SPAG9: variants seen among roughly 807,000 people sequenced by gnomAD.
SPAG9 encodes the protein C-Jun-amino-terminal kinase-interacting protein 4.
A neutral mutation model predicts 166.5 loss-of-function variants in SPAG9; 35 were observed. The observed-to-expected ratio is 0.21, with a 90% CI of 0.16 to 0.28. The LOEUF is 0.28. Ranked by LOEUF, SPAG9 falls within the 10% of genes least tolerant of loss-of-function variation. The pLI is 1.00. For synonymous variants in SPAG9, 534 were observed against 565.5 expected (o/e 0.94, Z 0.79); for missense variants, 1,235 against 1,603.3 (o/e 0.77, Z 3.92).
chr17:51,025,506 G>A (rs1430604840), intron 6 of SPAG9, among the ~76,000 whole-genome samples: 1 of 151,016 alleles, frequency 6.6e-6, no homozygotes, highest in Admixed American at 6.6e-5. Context: ...AACACCTCTG[G>A]AGCCAAAGAG....
intron 19 of SPAG9, among the ~76,000 whole-genome samples, chr17:50,992,103 G>C (rs1247663801): frequency 6.6e-6 from 1 of 151,466 alleles, no homozygotes; most frequent in East Asian, 1.9e-4. Flanking sequence ...GCCCAGACTG[G>C]TCTCAAACTT....
In SPAG9 at chr17:51,120,785, G is replaced by T; in HGVS notation, c.-129C>A. ...GGAGCCCGGGCCGGGGCTGGGGCTG[G>T]GCCCGGCGGGGTGGGGGCCGGGGCC... On this transcript the variant is annotated 5_prime_UTR_variant, in exon 1 of 30. Transcript: ENST00000262013. This position sits in a 1 kb window ranked among gnomAD's most constrained non-coding sequence, Gnocchi z 4.7. 1 of 696,326 alleles carries T rather than the reference G, an allele frequency of 1.4e-6. No homozygotes were observed. The highest frequency in any genetic ancestry group is 2.1e-6 in the Non-Finnish European group (1 of 474,860). 43.1% of individuals were successfully genotyped at this position (696,326 alleles called of 1,614,324 possible).
At chr17:51,072,578 G>T (rs1598127265) in intron 2 of SPAG9, among the ~76,000 whole-genome samples, 1 of 151,932 alleles carries the variant, frequency 6.6e-6, no homozygotes, top group South Asian at 2.1e-4. Flanking sequence ...AGCTACTCAA[G>T]AGGCTGAGGC....
rs1973210187 is a variant in SPAG9 at position 50,963,417 on chromosome 17, T to C, written c.*2855A>G. On this transcript the variant is annotated 3_prime_UTR_variant, in exon 30 of 30. Coordinates refer to ENST00000262013, the MANE Select transcript of SPAG9 (RefSeq NM_001130528.3). ...GGGAAAGGGGAAGTGAAGCAATCTGTAGAAAATATTTAACTGAAATTACAA... is the reference window on the plus strand; with the variant it reads ...GGGAAAGGGGAAGTGAAGCAATCTGCAGAAAATATTTAACTGAAATTACAA... 6.6e-6 allele frequency: 1 copy of C among 152,182 alleles called. No homozygotes were observed. The allele number at this position is 152,182 out of a possible 1,614,324, so 9.4% of individuals were successfully genotyped here. A position where few individuals can be genotyped will look rare whatever the true frequency, so the allele number is the denominator to read the frequency against.
At chr17:51,046,527 A>C in intron 4 of SPAG9, 1 of 1,536,234 alleles carries the variant, frequency 6.5e-7, no homozygotes, top group Non-Finnish European at 8.7e-7. Flanking sequence ...GTTCTGCGTC[A>C]GAGCTGGCAC....
rs780868556 is a variant in SPAG9, at chr17:50,990,462, C to T, written c.2605G>A (p.Asp869Asn). The change falls in exon 20 of 30, where the codon GAT becomes AAT. Residue 869 changes from aspartate (D) to asparagine (N), a missense_variant. Asp to Asn is a conservative substitution (Grantham distance 23, BLOSUM62 1). Transcript: ENST00000262013. ...PSTNGASPVM[D>N]KPPEMEAENS... The stretch of plus-strand genomic sequence containing the variant: ...AGAATGGATATACCTGGTGGTTTAT[C>T]CATCACTGGAGAAGCACCATTTGTA... 3.1e-6 allele frequency: 5 copies of T among 1,613,502 alleles called. No homozygotes were observed. The highest frequency in any genetic ancestry group is 2.5e-6 in the Non-Finnish European group (3 of 1,179,402).
At chr17:50,994,770 C>T (rs1975927501) in intron 18 of SPAG9, among the ~76,000 whole-genome samples, 1 of 152,130 alleles carries the variant, frequency 6.6e-6, no homozygotes, top group South Asian at 2.1e-4. Context: ...ACAAAACTAA[C>T]AGGTAAAGCA....
intron 5 of SPAG9, among the ~76,000 whole-genome samples, chr17:51,037,435 A>G (rs1363694904): frequency 1.3e-5 from 2 of 151,694 alleles, no homozygotes; most frequent in African/African-American, 4.8e-5. Context: ...CAACATGGCA[A>G]AACCTCGTCT....
At chr17:50,973,271 C>T (rs1973959462) in intron 28 of SPAG9, among the ~76,000 whole-genome samples, 1 of 152,110 alleles carries the variant, frequency 6.6e-6, no homozygotes, top group Non-Finnish European at 1.5e-5. Flanking sequence ...AGAGGATTTG[C>T]ATCGACTTCA....
intron 1 of SPAG9, among the ~76,000 whole-genome samples, chr17:51,099,759 TAAAAAA>T (rs58721041): frequency 4.6e-5 from 2 of 43,630 alleles, no homozygotes; most frequent in African/African-American, 1.4e-4. Flanking sequence ...CTTCTATTAC[TAAAAAA>T]AAAAAAAAAA....
chr17:51,089,570 AAT>A (rs1179107532), intron 1 of SPAG9, among the ~76,000 whole-genome samples: 16 of 142,530 alleles, frequency 1.1e-4, no homozygotes, highest in Non-Finnish European at 2.4e-4. Flanking sequence ...ATATAATTAT[AAT>A]ATATATGTGT....
At chr17:51,101,472 AAAAC>A (rs1019965018) in intron 1 of SPAG9, among the ~76,000 whole-genome samples, 7 of 152,174 alleles carry the variant, frequency 4.6e-5, no homozygotes, top group African/African-American at 9.6e-5. Flanking sequence ...ATAAAAATAG[AAAAC>A]AAACAAACAA....
Position 51,014,335 on chromosome 17 carries a change from T to C in SPAG9, c.1110A>G (p.Ile370Met), listed in dbSNP as rs888963365. 5.0e-6 allele frequency: 8 copies of C among 1,612,376 alleles called. 1 individual carries two copies. The highest frequency in any genetic ancestry group is 2.2e-5 in the South Asian group (2 of 90,730). Residue 370 changes from isoleucine to methionine, a missense_variant, in exon 9 of 30, where the codon ATA becomes ATG. Transcript: ENST00000262013. ...YKGSSTPTKG[I>M]ENKAFDRNTE... ...TATTGCGATCAAAAGCTTTGTTCTC[T>C]ATGCCTTTGGTGGGAGTGCTATGCA...
At chr17:51,099,851 G>A (rs1189994375) in intron 1 of SPAG9, among the ~76,000 whole-genome samples, 3 of 146,366 alleles carry the variant, frequency 2.0e-5, no homozygotes, top group African/African-American at 7.6e-5. Context: ...TGTAATCCCA[G>A]CACTTTGGGA....
rs547950946 is a variant in SPAG9, at chr17:51,114,953, A to C, written c.303+5401T>G. On this transcript the variant is annotated intron_variant, in intron 1 of 29. Transcript: ENST00000262013. ...GGTGACAGAGTGAGACTCTGTCTCA[A>C]AAAAAAAAAAAATTATGAATGAATG... 1.5e-4 allele frequency among the ~76,000 whole-genome samples: 23 copies of C among 149,028 alleles called. No individual in the cohort carries two copies. In the South Asian group the frequency reaches 4.6e-3, roughly 30 times the overall value.
At chr17:51,098,468 C>G (rs1598178123) in intron 1 of SPAG9, among the ~76,000 whole-genome samples, 1 of 152,000 alleles carries the variant, frequency 6.6e-6, no homozygotes, top group South Asian at 2.1e-4. Context: ...TCTCACAAGC[C>G]TGTGGGGGTA....
At chr17:50,998,417 A>G in intron 15 of SPAG9, 27 bp downstream of exon 15, 1 of 1,590,728 alleles carries the variant, frequency 6.3e-7, no homozygotes. Flanking sequence ...AATTTAGAAT[A>G]TAATGATTAA....
chr17:51,020,917 T>C (rs1389555342), intron 7 of SPAG9, among the ~76,000 whole-genome samples: 8 of 152,232 alleles, frequency 5.3e-5, no homozygotes, highest in African/African-American at 1.7e-4. Flanking sequence ...ATTGTCATAC[T>C]GTACTGTTTA....
intron 19 of SPAG9, among the ~76,000 whole-genome samples, chr17:50,991,947 TTTTTTA>T (rs1374480886): frequency 1.5e-5 from 2 of 136,610 alleles, no homozygotes; most frequent in South Asian, 2.3e-4. Context: ...TTTTTTTTTT[TTTTTTA>T]AAACACAGGG....
Sources: allele counts gnomAD v4.1 joint callset (sites outside exome capture counted in the v4.1 genomes callset), GRCh38; gene constraint gnomAD v4.1.1; non-coding constraint Gnocchi (gnomAD v3.1); transcripts MANE v1.5; gene names NCBI Gene and HGNC (gene_info 2026-07-23, HGNC 2026-07-21).